Variants in PXYLP1 observed in about 807,000 individuals in gnomAD.
PXYLP1 encodes the protein acid phosphatase-like 2.
Under a neutral mutation model 37.9 loss-of-function variants are expected in PXYLP1, and 17 were observed. That is an observed-to-expected ratio of 0.45 (90% CI 0.31 to 0.67). The LOEUF (loss-of-function observed/expected upper bound fraction) is 0.67. PXYLP1 is among the 30% of genes least tolerant of loss of function. The pLI is 0.07. For missense variants in PXYLP1, 511 were observed against 612.0 expected (o/e 0.84, Z 1.74); for synonymous variants, 221 against 232.2 (o/e 0.95, Z 0.44).
chr3:141,239,662 T>C (rs1474303767), intron 1 of PXYLP1, among the ~76,000 whole-genome samples: 3 of 152,218 alleles, frequency 2.0e-5, no homozygotes, highest in Admixed American at 2.0e-4. Flanking sequence ...TTTACTTGCT[T>C]TTTAGCTTGA....
rs989319670 is a variant in PXYLP1, at chr3:141,284,429, A to G, written c.366-2885A>G. On this transcript the variant is annotated intron_variant, in intron 4 of 5. Transcript: ENST00000286353. ...GGCGAATGCGGCTTTACCTCATTTCAGGACCTCAGAAATAGGATCTAACCA... is the reference window on the plus strand; with the variant it reads ...GGCGAATGCGGCTTTACCTCATTTCGGGACCTCAGAAATAGGATCTAACCA... Among the ~76,000 whole-genome samples, 9 of 152,248 alleles carry G rather than the reference A, an allele frequency of 5.9e-5. 1 individual carries two copies. The highest frequency in any genetic ancestry group is 1.2e-4 in the Non-Finnish European group (8 of 68,044).
Position 141,260,186 on chromosome 3 carries a change from G to A in PXYLP1, c.11G>A (p.Arg4His), listed in dbSNP as rs748577913. MLF[R>H]NRFLLLLALA... is the part of the protein sequence containing the mutation. ...ATAGAATACTTAATAATGCTTTTCC[G>A]CAACCGCTTCTTGCTGCTGCTGGCC... The change falls in exon 2 of 6, where the codon CGC (arginine) becomes CAC (histidine). Residue 4 changes from arginine to histidine, a missense_variant. By Grantham distance (29) the Arg-to-His change is conservative. Transcript: ENST00000286353. 1.5e-5 allele frequency: 24 copies of A among 1,613,716 alleles called. No individual in the cohort carries two copies. The highest frequency in any genetic ancestry group is 2.2e-5 in the East Asian group (1 of 44,898).
intron 2 of PXYLP1, among the ~76,000 whole-genome samples, chr3:141,263,175 A>G (rs991690732): frequency 1.4e-4 from 22 of 152,230 alleles, no homozygotes; most frequent in African/African-American, 5.3e-4. Context: ...GGATACAGAA[A>G]GTATGTAGTG....
intron 1 of PXYLP1, among the ~76,000 whole-genome samples, chr3:141,244,138 A>C (rs996329213): frequency 6.6e-6 from 1 of 152,108 alleles, no homozygotes; most frequent in Admixed American, 6.5e-5. Context: ...TTTAGGACAT[A>C]TTCTCTCCTT....
chr3:141,277,824 AC>A (rs1183484436), intron 2 of PXYLP1, among the ~76,000 whole-genome samples: 1 of 152,154 alleles, frequency 6.6e-6, no homozygotes, highest in Non-Finnish European at 1.5e-5. Flanking sequence ...GCTTTCACCC[AC>A]CACACATGCC....
At chr3:141,288,788 C>T (rs942575381) in intron 5 of PXYLP1, among the ~76,000 whole-genome samples, 4 of 152,084 alleles carry the variant, frequency 2.6e-5, no homozygotes, top group Non-Finnish European at 4.4e-5. Flanking sequence ...CCCAGCTACT[C>T]AGGTGGCTGA....
At chr3:141,239,042 A>G (rs1940728465) in intron 1 of PXYLP1, among the ~76,000 whole-genome samples, 1 of 138,284 alleles carries the variant, frequency 7.2e-6, no homozygotes, top group African/African-American at 2.8e-5. Flanking sequence ...TATGTCCTGG[A>G]AATTTTAAAT....
intron 2 of PXYLP1, chr3:141,274,304 G>A: frequency 7.3e-7 from 1 of 1,360,714 alleles, no homozygotes; most frequent in Non-Finnish European, 9.5e-7. Context: ...CCTTCCTCCT[G>A]GAGCCCGGCC....
rs1941928839 is a variant in PXYLP1, at chr3:141,280,609, G to A, written c.365+1105G>A. Among the ~76,000 whole-genome samples the A allele has an allele frequency of 2.0e-5, 3 of 152,272 alleles. No individual in the cohort carries two copies. The South Asian group carries it at 6.2e-4, about 32-fold the overall frequency. On this transcript the variant is annotated intron_variant, in intron 4 of 5. Transcript: ENST00000286353. ...TTAATCTTTAAAAACAGTAATAGTT[G>A]ACTCATCATTATAAACAGGTACTTA...
intron 1 of PXYLP1, among the ~76,000 whole-genome samples, chr3:141,232,690 G>GAA (rs998569464): frequency 6.6e-6 from 1 of 152,226 alleles, no homozygotes; most frequent in African/African-American, 2.4e-5. Flanking sequence ...CAGAGAGAGA[G>GAA]AGAATGGATT....
intron 1 of PXYLP1, among the ~76,000 whole-genome samples, chr3:141,238,447 C>A (rs1940710667): frequency 1.3e-5 from 2 of 152,240 alleles, no homozygotes; most frequent in South Asian, 2.1e-4. Context: ...TCGAGTGCTT[C>A]TCTGCCTCGT....
intron 1 of PXYLP1, among the ~76,000 whole-genome samples, chr3:141,235,751 G>A (rs1423336330): frequency 6.6e-6 from 1 of 152,224 alleles, no homozygotes; most frequent in Non-Finnish European, 1.5e-5. Context: ...ATGCTGCATG[G>A]CAGCCACGAG....
intron 1 of PXYLP1, among the ~76,000 whole-genome samples, chr3:141,233,196 G>T (rs1173387971): frequency 6.6e-6 from 1 of 152,156 alleles, no homozygotes; most frequent in Non-Finnish European, 1.5e-5. Context: ...CCTCGGGCGC[G>T]GTGGCTCACG....
In PXYLP1 at chr3:141,292,538, G is replaced by A. The variant is rs754902015; in HGVS notation, c.776G>A (p.Arg259His). Residue 259 changes from arginine (R) to histidine (H), a missense_variant, in exon 6 of 6, where the codon CGT (arginine) becomes CAT (histidine). Coordinates refer to ENST00000286353, the MANE Select transcript of PXYLP1 (RefSeq NM_001037172.3). This position sits in a 1 kb window ranked among gnomAD's most constrained non-coding sequence, Gnocchi z 4.3. ...VRNQYLEKEQ[R>H]RQYLLRLKNS... ...AACCAGTATCTGGAAAAGGAGCAGC[G>A]TCGTCAGTACCTCCTACGTTTGAAA... is the stretch of plus-strand genomic sequence containing the variant. 5.6e-5 allele frequency: 90 copies of A among 1,614,078 alleles called. No individual in the cohort carries two copies. The highest frequency in any genetic ancestry group is 1.6e-4 in the South Asian group (15 of 91,088).
At chr3:141,249,812 A>AC (rs1318719915) in intron 1 of PXYLP1, among the ~76,000 whole-genome samples, 3 of 152,230 alleles carry the variant, frequency 2.0e-5, no homozygotes, top group African/African-American at 7.2e-5. Context: ...GTTGGATGGA[A>AC]CACAGACTTG....
intron 2 of PXYLP1, among the ~76,000 whole-genome samples, chr3:141,275,733 A>G (rs1043188802): frequency 6.6e-6 from 1 of 151,828 alleles, no homozygotes; most frequent in East Asian, 1.9e-4. Flanking sequence ...GTGAATCACC[A>G]GTTCTGTATC....
At chr3:141,235,354 G>T (rs1940632953) in intron 1 of PXYLP1, 1 of 152,316 alleles carries the variant, frequency 6.6e-6, no homozygotes, top group Admixed American at 6.5e-5. Context: ...AGATTGGTCT[G>T]GGGTTTGGCC....
intron 1 of PXYLP1, among the ~76,000 whole-genome samples, chr3:141,246,289 C>G (rs529871739): frequency 2.0e-5 from 3 of 152,192 alleles, no homozygotes; most frequent in Non-Finnish European, 2.9e-5. Flanking sequence ...AGACACTACC[C>G]CTACTGTCAT....
At chr3:141,240,580 G>T (rs1369125581) in intron 1 of PXYLP1, among the ~76,000 whole-genome samples, 1 of 152,088 alleles carries the variant, frequency 6.6e-6, no homozygotes, top group Admixed American at 6.5e-5. Flanking sequence ...AGGAAATGTG[G>T]TCCAGCCACA....
Sources: gnomAD v4.1 joint callset for allele counts (sites outside exome capture counted in the v4.1 genomes callset) on GRCh38, gnomAD v4.1.1 for gene constraint, Gnocchi (gnomAD v3.1) non-coding constraint, MANE v1.5 for transcripts, NCBI Gene and HGNC (gene_info 2026-07-23, HGNC 2026-07-21) for gene names.